The following ASAP1 variants were observed in gnomAD, a reference collection of about 807,000 sequenced individuals.
The protein encoded by ASAP1 is arf-GAP with SH3 domain, ANK repeat and PH domain-containing protein 1.
ASAP1 carries 43 observed loss-of-function variants against 145.2 expected under a neutral mutation model. The observed-to-expected ratio is 0.30, with a 90% CI of 0.23 to 0.38. The LOEUF is 0.38. ASAP1 is among the 10% of genes least tolerant of loss of function. The pLI is 1.00. For synonymous variants in ASAP1, 546 were observed against 515.5 expected (o/e 1.06, Z -0.80); for missense variants, 1,018 against 1,355.3 (o/e 0.75, Z 3.91).
At chr8:130,085,987 C>A (rs1263688346) in intron 25 of ASAP1, among the ~76,000 whole-genome samples, 1 of 152,200 alleles carries the variant, frequency 6.6e-6, no homozygotes, top group African/African-American at 2.4e-5. Flanking sequence ...GCCCTCCCAG[C>A]CTGGGCAGCG....
intron 5 of ASAP1, among the ~76,000 whole-genome samples, chr8:130,190,795 C>T (rs890308608): frequency 2.6e-5 from 4 of 152,168 alleles, no homozygotes; most frequent in East Asian, 3.8e-4. Context: ...GGATTACAGA[C>T]GTGAGCCACC....
rs1175988495 is a variant in ASAP1 at position 130,112,456 on chromosome 8, T to C, written c.2173-134A>G. 1.1e-5 allele frequency: 7 copies of C among 650,270 alleles called. No homozygotes were observed. The Admixed American group carries it at 1.7e-4, about 16-fold the overall frequency. The allele number at this position is 650,270 out of a possible 1,614,324, so 40.3% of individuals were successfully genotyped here. ...CTGAGCTTTATGAGGTCAGCCACAA[T>C]GAGCCTCATGATGCTGACACAGTAC... On this transcript the variant is annotated intron_variant, in intron 23 of 29. Coordinates refer to ENST00000518721, the MANE Select transcript of ASAP1 (RefSeq NM_018482.4).
At chr8:130,283,828 G>A (rs1455721132) in intron 3 of ASAP1, among the ~76,000 whole-genome samples, 1 of 152,152 alleles carries the variant, frequency 6.6e-6, no homozygotes, top group Admixed American at 6.5e-5. Context: ...GTCAGTAGAT[G>A]TCTAAATTGA....
intron 3 of ASAP1, among the ~76,000 whole-genome samples, chr8:130,260,949 G>A (rs550441668): frequency 7.9e-5 from 12 of 152,244 alleles, no homozygotes; most frequent in Middle Eastern, 6.8e-3. Context: ...TGTATTTCCA[G>A]GAAATTTCAA....
intron 5 of ASAP1, among the ~76,000 whole-genome samples, chr8:130,198,073 G>A (rs1815622893): frequency 6.6e-6 from 1 of 151,932 alleles, no homozygotes; most frequent in Non-Finnish European, 1.5e-5. Context: ...GAGGCTAGGG[G>A]TTTGGCACAA....
rs368292312 is a variant in ASAP1, at chr8:130,254,881, A to G, written c.187-17887T>C. On this transcript the variant is annotated intron_variant, in intron 3 of 29. Transcript: ENST00000518721. ...CTTTAAACTTAGAACACAGGATGGC[A>G]TCAAATGATATTACCATTATTCAAA... 2.5e-3 allele frequency among the ~76,000 whole-genome samples: 379 copies of G among 152,312 alleles called. 2 individuals are homozygous for G. The highest frequency in any genetic ancestry group is 8.9e-3 in the African/African-American group (372 of 41,576).
At chr8:130,396,021 G>A (rs1159541893) in intron 2 of ASAP1, among the ~76,000 whole-genome samples, 2 of 152,100 alleles carry the variant, frequency 1.3e-5, no homozygotes, top group Non-Finnish European at 2.9e-5. Flanking sequence ...AGCAGCCCTA[G>A]GAAACTAATG....
chr8:130,117,821 A>G (rs995101754), intron 20 of ASAP1, among the ~76,000 whole-genome samples: 1 of 152,246 alleles, frequency 6.6e-6, no homozygotes, highest in Non-Finnish European at 1.5e-5. Flanking sequence ...TTGGATACAG[A>G]CATAATTTTA....
At chr8:130,293,755 T>C (rs1012432553) in intron 3 of ASAP1, among the ~76,000 whole-genome samples, 7 of 152,220 alleles carry the variant, frequency 4.6e-5, no homozygotes, top group African/African-American at 1.7e-4. Context: ...ATGTTTCTTG[T>C]GTGAAGGACC....
intron 24 of ASAP1, among the ~76,000 whole-genome samples, chr8:130,109,420 T>C (rs1478863200): frequency 6.6e-6 from 1 of 152,164 alleles, no homozygotes; most frequent in Non-Finnish European, 1.5e-5. Flanking sequence ...TCAGAATAAT[T>C]CTTTCTCCTC....
intron 13 of ASAP1, among the ~76,000 whole-genome samples, chr8:130,145,361 A>G (rs1172094687): frequency 2.0e-5 from 3 of 152,148 alleles, no homozygotes; most frequent in Admixed American, 6.6e-5. Context: ...TCTGTTGCCC[A>G]GACTGGAGTA....
chr8:130,220,623 G>GT (rs1817235357), intron 4 of ASAP1, among the ~76,000 whole-genome samples: 2 of 152,162 alleles, frequency 1.3e-5, no homozygotes, highest in Non-Finnish European at 2.9e-5. Context: ...GATGGCTTGA[G>GT]CCTAGGAGTT....
intron 2 of ASAP1, among the ~76,000 whole-genome samples, chr8:130,390,943 C>G (rs1209311596): frequency 7.6e-6 from 1 of 132,202 alleles, no homozygotes; most frequent in African/African-American, 2.8e-5. Context: ...TCCCCCGCCC[C>G]CCCAAAATTG....
At chr8:130,332,746 T>C (rs182541195) in intron 3 of ASAP1, among the ~76,000 whole-genome samples, 1 of 152,182 alleles carries the variant, frequency 6.6e-6, no homozygotes, top group Non-Finnish European at 1.5e-5. Flanking sequence ...AAAAGGATAA[T>C]CTTTATTAAT....
chr8:130,402,433 CCTCTGAACCTGGGAGAGGATTTTAATT>C (rs1260956418), intron 1 of ASAP1, among the ~76,000 whole-genome samples: 1 of 152,050 alleles, frequency 6.6e-6, no homozygotes, highest in Non-Finnish European at 1.5e-5. Flanking sequence ...CAGGACAGCC[CCTCTGAACCTGGGAGAGGATTTTAATT>C]AATTCATGCA....
At chr8:130,308,916 C>T (rs900347857) in intron 3 of ASAP1, among the ~76,000 whole-genome samples, 1 of 151,842 alleles carries the variant, frequency 6.6e-6, no homozygotes, top group Non-Finnish European at 1.5e-5. Context: ...GTGGTGTGCG[C>T]CTCAAAAAAA....
intron 1 of ASAP1, among the ~76,000 whole-genome samples, chr8:130,405,841 T>C (rs1829003963): frequency 6.6e-6 from 1 of 152,254 alleles, no homozygotes; most frequent in African/African-American, 2.4e-5. Flanking sequence ...CAGAGATTAT[T>C]TCTTTCTAGT....
intron 5 of ASAP1, among the ~76,000 whole-genome samples, chr8:130,196,769 T>C (rs554639126): frequency 3.3e-4 from 51 of 152,322 alleles, no homozygotes; most frequent in Non-Finnish European, 4.9e-4. Context: ...GCTCAACGCA[T>C]TGGAAAATCC....
intron 1 of ASAP1, among the ~76,000 whole-genome samples, chr8:130,432,934 G>A (rs1830188022): frequency 6.6e-6 from 1 of 152,204 alleles, no homozygotes; most frequent in Admixed American, 6.5e-5. Context: ...CAAAAGAGAA[G>A]GGGAAAAGAT....
Sources: allele counts gnomAD v4.1 joint callset (sites outside exome capture counted in the v4.1 genomes callset), GRCh38; gene constraint gnomAD v4.1.1; transcripts MANE v1.5; gene names NCBI Gene and HGNC (gene_info 2026-07-23, HGNC 2026-07-21).